Variants in CD99L2 observed in about 807,000 individuals in gnomAD.
The protein encoded by CD99L2 is CD99 molecule like 2, also known as CD99 antigen-like protein 2.
CD99L2 carries 24 observed loss-of-function variants against 27.3 expected under a neutral mutation model. That is an observed-to-expected ratio of 0.88 (90% CI 0.64 to 1.24). The LOEUF is 1.24. Ranked by LOEUF, CD99L2 falls within the 50% of genes most tolerant of loss-of-function variation. The pLI is 0.00. For missense variants in CD99L2, 255 were observed against 221.6 expected (o/e 1.15, Z -0.96); for synonymous variants, 97 against 87.9 (o/e 1.10, Z -0.58).
At chrX:150,770,235 A>C in intron 10 of CD99L2, 69 bp downstream of exon 10, 1 of 1,025,513 alleles carries the variant, frequency 9.8e-7, no homozygotes, top group South Asian at 1.9e-5. Flanking sequence ...CTTCTCTAGC[A>C]CAGTTCTGCT....
rs782711655 is a variant in CD99L2, at chrX:150,768,815, C to G, written c.*219G>C. 3.5e-6 allele frequency: 3 copies of G among 853,249 alleles called. No individual in the cohort carries two copies. The African/African-American group carries it at 6.4e-5, about 18-fold the overall frequency. The allele number at this position is 853,249 out of a possible 1,213,427, so 70.3% of individuals were successfully genotyped here. A position where few individuals can be genotyped will look rare whatever the true frequency, so the allele number is the denominator to read the frequency against. ...CCCGAGGCTGGTGCTGGCTTTCTAT[C>G]AGAGCTGGCTCTTGAATTTCGGCAC... On this transcript the variant is annotated 3_prime_UTR_variant, in exon 11 of 11. Coordinates refer to ENST00000370377, the MANE Select transcript of CD99L2 (RefSeq NM_031462.4).
intron 4 of CD99L2, among the ~76,000 whole-genome samples, chrX:150,803,837 T>G (rs1328903258): frequency 8.9e-6 from 1 of 112,050 alleles, no homozygotes; most frequent in African/African-American, 3.2e-5. Context: ...AAAAAAAATC[T>G]TTGGGACTGA....
intron 7 of CD99L2, 88 bp downstream of exon 7, chrX:150,793,603 T>C (rs367772059): frequency 6.2e-6 from 5 of 809,026 alleles, no homozygotes; most frequent in Non-Finnish European, 8.7e-6. Context: ...CTACCACTCA[T>C]TTCCCAGAGG....
chrX:150,848,065 T>C (rs1162199256), intron 1 of CD99L2, among the ~76,000 whole-genome samples: 1 of 105,787 alleles, frequency 9.5e-6, no homozygotes, highest in Non-Finnish European at 1.9e-5. Context: ...AAAGGCCTCC[T>C]CACTACACTG....
At chrX:150,805,104 T>A (rs2045974757) in intron 4 of CD99L2, among the ~76,000 whole-genome samples, 1 of 111,792 alleles carries the variant, frequency 8.9e-6, no homozygotes, top group South Asian at 3.8e-4. Context: ...GGCAGATGCC[T>A]GTAATCCCAG....
chrX:150,768,914 G>A lies in CD99L2; in HGVS notation c.*120C>T. ...ACCCAGAGCTCATCCGGGAAACTCA[G>A]ACCAACAAGGAGCCGATGGCACAGA... is the stretch of plus-strand genomic sequence containing the variant. On this transcript the variant is annotated 3_prime_UTR_variant, in exon 11 of 11. Coordinates refer to ENST00000370377, the MANE Select transcript of CD99L2 (RefSeq NM_031462.4). 1.9e-6 allele frequency: 2 copies of A among 1,065,370 alleles called. No individual in the cohort carries two copies. Among genetic ancestry groups the A allele is most frequent in the Non-Finnish European group, 2.4e-6 (2 of 833,015 alleles). 87.8% of individuals were successfully genotyped at this position (1,065,370 alleles called of 1,213,427 possible).
intron 1 of CD99L2, among the ~76,000 whole-genome samples, chrX:150,860,167 G>A (rs1428002613): frequency 6.2e-5 from 7 of 112,142 alleles, no homozygotes; most frequent in African/African-American, 2.3e-4. Context: ...CACAAGGATT[G>A]TTTAACACAC....
rs782041965 is a variant in CD99L2 at position 150,777,430 on chromosome X, A to G, written c.535+14T>C. ...TCACATGGCCAACAGGAGCCTCAGG[A>G]TTCAGAAACCCACCAGATCCAGGGT... On this transcript the variant is annotated intron_variant, in intron 8 of 10. Coordinates refer to ENST00000370377, the MANE Select transcript of CD99L2 (RefSeq NM_031462.4). 21 of 1,211,566 alleles carry G rather than the reference A, an allele frequency of 1.7e-5. No homozygotes were observed. Among genetic ancestry groups the G allele is most frequent in the South Asian group, 3.5e-5 (2 of 56,989 alleles).
chrX:150,890,770 G>C (rs1237414803), intron 1 of CD99L2, among the ~76,000 whole-genome samples: 1 of 112,737 alleles, frequency 8.9e-6, no homozygotes, highest in Non-Finnish European at 1.9e-5. Context: ...CCCTCTGTCT[G>C]CTGGCCCCAG....
At chrX:150,781,966 G>A in intron 7 of CD99L2, among the ~76,000 whole-genome samples, 1 of 112,139 alleles carries the variant, frequency 8.9e-6, no homozygotes, top group South Asian at 3.7e-4. Context: ...CCATACATCT[G>A]GGGGAGGCGG....
intron 1 of CD99L2, among the ~76,000 whole-genome samples, chrX:150,887,597 T>C (rs1169289163): frequency 9.0e-6 from 1 of 110,907 alleles, no homozygotes; most frequent in Non-Finnish European, 1.9e-5. Context: ...AGACCTACAC[T>C]CAGCAAGCTC....
At position 150,816,062 on chromosome X, in the gene CD99L2, G is replaced by A. The variant is rs2046149706; in HGVS notation, c.147C>T (p.Thr49=). 3 of 1,209,160 alleles carry A rather than the reference G, an allele frequency of 2.5e-6. No individual in the cohort carries two copies. In the Admixed American group the frequency reaches 6.6e-5, roughly 27 times the overall value. ...TSSVKQPWDH[T]TTTTTNRPGT... ...CTGGCCTATTGGTTGTGGTGGTGGT[G>A]GTGTGGTCCCATGGCTCTAAAAGGG... Residue 49 remains threonine (T), a synonymous_variant, in exon 3 of 11, where the codon ACC becomes ACT. Transcript: ENST00000370377.
At chrX:150,879,239 T>C (rs1444474237) in intron 1 of CD99L2, among the ~76,000 whole-genome samples, 1 of 110,647 alleles carries the variant, frequency 9.0e-6, no homozygotes, top group Non-Finnish European at 1.9e-5. Flanking sequence ...AGGTAGGGAG[T>C]GGAGACCTAA....
intron 4 of CD99L2, among the ~76,000 whole-genome samples, chrX:150,797,040 T>C (rs921963592): frequency 9.0e-6 from 1 of 110,602 alleles, no homozygotes; most frequent in Non-Finnish European, 1.9e-5. Context: ...AAGTTAGACA[T>C]GAAGAAGAGC....
chrX:150,864,978 A>AT (rs2047036883), intron 1 of CD99L2, among the ~76,000 whole-genome samples: 1 of 109,928 alleles, frequency 9.1e-6, no homozygotes, highest in African/African-American at 3.3e-5. Flanking sequence ...AGGCAGGAGA[A>AT]TCGCTTGAGC....
At position 150,874,525 on chromosome X, in the gene CD99L2, C is replaced by G. The variant is rs781962119; in HGVS notation, c.67+23997G>C. Among the ~76,000 whole-genome samples the G allele has an allele frequency of 1.3e-4, 13 of 97,766 alleles. No homozygotes were observed. The South Asian group carries it at 6.7e-3, about 50-fold the overall frequency. 84.9% of individuals were successfully genotyped at this position (97,766 alleles called of 115,157 possible). ...AGATGACCTACATGTGTCCCCTAGC[C>G]TACAGGCTAGAAGGATGGCACCATC... On this transcript the variant is annotated intron_variant, in intron 1 of 10. Transcript: ENST00000370377.
At chrX:150,787,680 G>C (rs782018931) in intron 7 of CD99L2, among the ~76,000 whole-genome samples, 1 of 99,569 alleles carries the variant, frequency 1.0e-5, no homozygotes, top group African/African-American at 3.7e-5. Context: ...TCACTCATAG[G>C]TGGGAACTGA....
intron 7 of CD99L2, among the ~76,000 whole-genome samples, chrX:150,785,367 T>C (rs909539449): frequency 5.4e-5 from 6 of 112,000 alleles, no homozygotes; most frequent in Non-Finnish European, 9.4e-5. Flanking sequence ...ACATTTTGCA[T>C]CATTCACTTT....
chrX:150,837,302 T>C (rs1454253173), intron 1 of CD99L2, among the ~76,000 whole-genome samples: 1 of 110,030 alleles, frequency 9.1e-6, no homozygotes, highest in Non-Finnish European at 1.9e-5. Flanking sequence ...CAGGCTAGAG[T>C]GCAATGGCAC....
Sources: allele counts gnomAD v4.1 joint callset (sites outside exome capture counted in the v4.1 genomes callset), GRCh38; gene constraint gnomAD v4.1.1; transcripts MANE v1.5; gene names NCBI Gene and HGNC (gene_info 2026-07-23, HGNC 2026-07-21).